The following PHF20 variants were observed in gnomAD, a reference collection of about 807,000 sequenced individuals.
The protein encoded by PHF20 is glioma-expressed antigen 2.
A neutral mutation model predicts 113.5 loss-of-function variants in PHF20; 23 were observed. The ratio of observed to expected loss-of-function variants is 0.20; its 90% CI spans 0.15 to 0.29. The LOEUF is 0.29. Among genes scored for constraint, PHF20 ranks in the 10% least tolerant of loss-of-function variants. PHF20 has a pLI of 1.00. For missense variants in PHF20, 943 were observed against 1,219.6 expected, an observed-to-expected ratio of 0.77 and a Z score of 3.38; for synonymous variants, 434 against 457.3, an observed-to-expected ratio of 0.95 and a Z score of 0.65.
intron 1 of PHF20, among the ~76,000 whole-genome samples, chr20:35,786,188 A>G (rs2041409541): frequency 1.3e-5 from 2 of 151,802 alleles, no homozygotes; most frequent in African/African-American, 4.8e-5. Flanking sequence ...GGAGATCGAG[A>G]CCATCCTGGT....
At chr20:35,850,479 TTATATATA>T (rs141463522) in intron 4 of PHF20, among the ~76,000 whole-genome samples, 2 of 146,768 alleles carry the variant, frequency 1.4e-5, no homozygotes, top group Admixed American at 6.9e-5. Context: ...CCTGGCTAAT[TTATATATA>T]TATATATATT....
intron 1 of PHF20, among the ~76,000 whole-genome samples, chr20:35,788,152 A>G (rs1276718410): frequency 1.3e-5 from 2 of 151,756 alleles, no homozygotes; most frequent in Admixed American, 6.6e-5. Context: ...GCTGGAGTGC[A>G]GTGGCGCGAT....
intron 9 of PHF20, among the ~76,000 whole-genome samples, chr20:35,886,143 T>C (rs988328109): frequency 6.6e-6 from 1 of 151,098 alleles, no homozygotes; most frequent in Non-Finnish European, 1.5e-5. Flanking sequence ...TAAATACTTT[T>C]TTTTTTTTTT....
intron 1 of PHF20, among the ~76,000 whole-genome samples, chr20:35,778,202 G>C (rs2041213466): frequency 6.6e-6 from 1 of 152,150 alleles, no homozygotes; most frequent in South Asian, 2.1e-4. Flanking sequence ...TTGTGCCTCA[G>C]CCTCCTGAGT....
chr20:35,878,516 C>T, intron 9 of PHF20: 1 of 628,856 alleles, frequency 1.6e-6, no homozygotes, highest in Non-Finnish European at 2.9e-6. Flanking sequence ...GGGATCCAAA[C>T]TTATTCAAAA....
intron 1 of PHF20, among the ~76,000 whole-genome samples, chr20:35,793,636 C>T (rs919757704): frequency 6.6e-6 from 1 of 151,884 alleles, no homozygotes; most frequent in African/African-American, 2.4e-5. Flanking sequence ...TAAAATAGTC[C>T]TTTCCATGTC....
chr20:35,947,429 CT>C, intron 17 of PHF20, 55 bp from the exon 18 acceptor site: 1 of 1,575,082 alleles, frequency 6.3e-7, no homozygotes, highest in African/African-American at 1.4e-5. Flanking sequence ...TGCTGATGTT[CT>C]TGCAAATCAA....
intron 1 of PHF20, among the ~76,000 whole-genome samples, chr20:35,775,984 A>AT (rs1417103283): frequency 1.3e-5 from 2 of 151,896 alleles, no homozygotes; most frequent in African/African-American, 2.4e-5. Context: ...CTAATTTTAA[A>AT]TTTTTTGTAG....
chr20:35,845,469 A>G, intron 3 of PHF20: 1 of 314,324 alleles, frequency 3.2e-6, no homozygotes, highest in Non-Finnish European at 6.8e-6. Flanking sequence ...GGGCTCAAGC[A>G]ATCCTCCTTC....
chr20:35,791,535 G>GTGTA (rs2041553845), intron 1 of PHF20, among the ~76,000 whole-genome samples: 1 of 120,438 alleles, frequency 8.3e-6, no homozygotes, highest in Non-Finnish European at 1.6e-5. Flanking sequence ...TCTTAGAATA[G>GTGTA]TGTATATATA....
chr20:35,938,648 A>G, intron 15 of PHF20, 49 bp from the exon 16 acceptor site: 2 of 1,530,278 alleles, frequency 1.3e-6, no homozygotes, highest in Non-Finnish European at 1.8e-6. Context: ...GAACCCCTGC[A>G]ATGGTGCCAG....
At chr20:35,916,619 A>G (rs1363952603) in intron 12 of PHF20, among the ~76,000 whole-genome samples, 2 of 151,524 alleles carry the variant, frequency 1.3e-5, no homozygotes, top group African/African-American at 2.4e-5. Context: ...GGCGCACACC[A>G]CCACACCTAG....
chr20:35,871,589 A>T, intron 8 of PHF20, 61 bp from the exon 9 acceptor site: 1 of 1,391,070 alleles, frequency 7.2e-7, no homozygotes, highest in Non-Finnish European at 9.7e-7. Flanking sequence ...CTGTTGTAGG[A>T]CTTTTGATTT....
intron 3 of PHF20, chr20:35,845,489 CT>C: frequency 4.0e-6 from 1 of 252,186 alleles, no homozygotes; most frequent in South Asian, 3.6e-5. Flanking sequence ...CCTCAGCCTC[CT>C]GAGTACCTGG....
chr20:35,814,558 CAG>C (rs1175692306), intron 2 of PHF20, among the ~76,000 whole-genome samples: 2 of 150,754 alleles, frequency 1.3e-5, no homozygotes, highest in East Asian at 4.0e-4. Flanking sequence ...GCCTGGGTAA[CAG>C]AGTAAGACAC....
intron 5 of PHF20, among the ~76,000 whole-genome samples, chr20:35,858,720 G>A (rs578141479): frequency 6.6e-6 from 1 of 152,214 alleles, no homozygotes; most frequent in South Asian, 2.1e-4. Context: ...ATAGGCGCAC[G>A]CCACCATGCC....
chr20:35,860,077 C>G (rs941256067), intron 5 of PHF20, among the ~76,000 whole-genome samples: 1 of 152,026 alleles, frequency 6.6e-6, no homozygotes, highest in African/African-American at 2.4e-5. Context: ...TGCCACTACG[C>G]CTGGCTAATT....
At chr20:35,807,350 C>A (rs1229586652) in intron 2 of PHF20, among the ~76,000 whole-genome samples, 1 of 122,330 alleles carries the variant, frequency 8.2e-6, no homozygotes, top group Non-Finnish European at 1.7e-5. Context: ...ATGAATGGAT[C>A]TTTTTTTTTT....
chr20:35,939,260 C>A, intron 16 of PHF20, 152 bp downstream of exon 16: 4 of 895,752 alleles, frequency 4.5e-6, no homozygotes, highest in African/African-American at 1.7e-5. Flanking sequence ...AAAATGGGTG[C>A]AAAGTCAGGA....
Sources: allele counts gnomAD v4.1 joint callset (sites outside exome capture counted in the v4.1 genomes callset), GRCh38; gene constraint gnomAD v4.1.1; transcripts MANE v1.5; gene names NCBI Gene and HGNC (gene_info 2026-07-23, HGNC 2026-07-21).